Variants in MARK3 observed in about 807,000 individuals in gnomAD.
MARK3 encodes microtubule affinity regulating kinase 3.
Under a neutral mutation model 90.1 loss-of-function variants are expected in MARK3, and 46 were observed. The ratio of observed to expected loss-of-function variants is 0.51; its 90% CI spans 0.40 to 0.65. The LOEUF is 0.65. MARK3 is among the 30% of genes least tolerant of loss of function. The probability of loss-of-function intolerance (pLI) is 0.00; values close to 1 mark genes in which losing one functional copy is unlikely to be tolerated. For synonymous variants in MARK3, 321 were observed against 332.6 expected, an observed-to-expected ratio of 0.97 and a Z score of 0.38; for missense variants, 818 against 947.2, an observed-to-expected ratio of 0.86 and a Z score of 1.79.
chr14:103,404,955 G>A, intron 1 of MARK3, 121 bp from the exon 2 acceptor site: 1 of 658,044 alleles, frequency 1.5e-6, no homozygotes, highest in Non-Finnish European at 2.5e-6. Context: ...CCTTTGAAGT[G>A]CTAGATACTT....
chr14:103,434,348 C>T (rs1227452849), intron 3 of MARK3, among the ~76,000 whole-genome samples: 1 of 152,334 alleles, frequency 6.6e-6, no homozygotes, highest in Non-Finnish European at 1.5e-5. Flanking sequence ...GGCATCCCAG[C>T]ATTCCGTGAC....
intron 13 of MARK3, among the ~76,000 whole-genome samples, chr14:103,476,811 T>A (rs1355327653): frequency 6.6e-6 from 1 of 152,204 alleles, no homozygotes; most frequent in Non-Finnish European, 1.5e-5. Flanking sequence ...TGTTTCATCC[T>A]CTGACCTTAT....
intron 13 of MARK3, 100 bp downstream of exon 13, chr14:103,475,310 T>C: frequency 1.1e-6 from 1 of 943,394 alleles, no homozygotes; most frequent in Non-Finnish European, 1.7e-6. Context: ...CGTACTGGAA[T>C]GCCCTCTCTA....
chr14:103,474,468 A>G (rs1224008737), intron 12 of MARK3, among the ~76,000 whole-genome samples: 1 of 86,254 alleles, frequency 1.2e-5, no homozygotes, highest in Non-Finnish European at 2.3e-5. Context: ...TGTCGCTTGC[A>G]TGATTCCTCT....
chr14:103,472,782 C>G (rs2093651231), intron 12 of MARK3, among the ~76,000 whole-genome samples: 1 of 152,066 alleles, frequency 6.6e-6, no homozygotes, highest in Non-Finnish European at 1.5e-5. Context: ...CCGAGGCAGG[C>G]AGATCACGAG....
intron 7 of MARK3, among the ~76,000 whole-genome samples, chr14:103,463,019 CTCTGGGT>C (rs1214262318): frequency 1.2e-4 from 19 of 152,278 alleles, no homozygotes; most frequent in Non-Finnish European, 1.5e-5. Context: ...CTGCTCTGAG[CTCTGGGT>C]CCTGATTCCC....
At chr14:103,427,570 G>A (rs934056366) in intron 2 of MARK3, among the ~76,000 whole-genome samples, 2 of 151,486 alleles carry the variant, frequency 1.3e-5, no homozygotes, top group African/African-American at 4.9e-5. Flanking sequence ...GCTTGACTGA[G>A]TCTACTTATA....
chr14:103,482,356 A>G (rs769696306), intron 14 of MARK3, among the ~76,000 whole-genome samples: 1 of 151,814 alleles, frequency 6.6e-6, no homozygotes, highest in Non-Finnish European at 1.5e-5. Flanking sequence ...CCCCGTCTCT[A>G]CTAAAAATAC....
chr14:103,439,742 G>T (rs1212670789), intron 3 of MARK3, among the ~76,000 whole-genome samples: 2 of 151,916 alleles, frequency 1.3e-5, no homozygotes, highest in Admixed American at 6.6e-5. Context: ...TTGTATAAAT[G>T]GACTCATGCT....
intron 3 of MARK3, among the ~76,000 whole-genome samples, chr14:103,440,460 C>A (rs1399890191): frequency 6.6e-6 from 1 of 152,198 alleles, no homozygotes. Flanking sequence ...GTAGCATCCT[C>A]ATCAAAATTT....
chr14:103,469,642 G>A (rs924403394), intron 12 of MARK3, among the ~76,000 whole-genome samples: 2 of 150,954 alleles, frequency 1.3e-5, no homozygotes, highest in South Asian at 2.1e-4. Context: ...TAGTAGAGAC[G>A]GGATTTCACC....
chr14:103,466,004 C>T lies in MARK3; in HGVS notation c.810C>T (p.Tyr270=). The T allele has an allele frequency of 6.2e-7, 1 of 1,613,384 alleles. No homozygotes were observed. The highest frequency in any genetic ancestry group is 8.5e-7 in the Non-Finnish European group (1 of 1,179,438). ...ELRERVLRGK[Y]RIPFYMSTDC... is the part of the protein sequence containing the mutation. ...GAGAGAGAGTATTAAGAGGGAAATA[C>T]AGAATTCCCTTCTACATGTCTACAG... Residue 270 remains tyrosine (Y), a synonymous_variant, in exon 9 of 18, where the codon TAC becomes TAT. Coordinates refer to ENST00000429436, the MANE Select transcript of MARK3 (RefSeq NM_001128918.3).
At chr14:103,398,652 C>T (rs1477922459) in intron 1 of MARK3, among the ~76,000 whole-genome samples, 3 of 152,164 alleles carry the variant, frequency 2.0e-5, no homozygotes, top group Admixed American at 6.5e-5. Context: ...GGATTACAAG[C>T]ATGAGTCACC....
At chr14:103,414,206 C>CTTTTTTTTTTTTTTTTTTTTTTTTCT (rs58495929) in intron 2 of MARK3, among the ~76,000 whole-genome samples, 1 of 140,632 alleles carries the variant, frequency 7.1e-6, no homozygotes. Flanking sequence ...TCTTTTCTTT[C>CTTTTTTTTTTTTTTTTTTTTTTTTCT]TTTTTTTTTT....
intron 5 of MARK3, among the ~76,000 whole-genome samples, chr14:103,452,662 G>T (rs930645954): frequency 6.6e-6 from 1 of 151,178 alleles, no homozygotes; most frequent in African/African-American, 2.4e-5. Context: ...TAGTAGAGAC[G>T]GGGTTTCACC....
At chr14:103,470,258 C>T (rs2141660457) in intron 12 of MARK3, among the ~76,000 whole-genome samples, 1 of 151,936 alleles carries the variant, frequency 6.6e-6, no homozygotes, top group South Asian at 2.1e-4. Flanking sequence ...TAAACTTCAC[C>T]TAGAAGCCAG....
At chr14:103,451,380 T>C (rs2093144130) in intron 4 of MARK3, among the ~76,000 whole-genome samples, 4 of 151,138 alleles carry the variant, frequency 2.6e-5, no homozygotes. Context: ...TTAATTGCAG[T>C]ATAATCCCTC....
chr14:103,408,552 C>T (rs954074724), intron 2 of MARK3, among the ~76,000 whole-genome samples: 8 of 152,220 alleles, frequency 5.3e-5, no homozygotes, highest in Non-Finnish European at 1.2e-4. Context: ...CGAGACCCTT[C>T]TGATAGATGT....
chr14:103,453,596 A>G (rs1256810115), intron 5 of MARK3, among the ~76,000 whole-genome samples: 1 of 152,144 alleles, frequency 6.6e-6, no homozygotes, highest in Non-Finnish European at 1.5e-5. Context: ...TATACTTTAT[A>G]TATGTCTAGT....
Sources: allele counts gnomAD v4.1 joint callset (sites outside exome capture counted in the v4.1 genomes callset), GRCh38; gene constraint gnomAD v4.1.1; transcripts MANE v1.5; gene names NCBI Gene and HGNC (gene_info 2026-07-23, HGNC 2026-07-21).